STAT5B: variants seen among roughly 807,000 people sequenced by gnomAD.
The protein encoded by STAT5B is signal transducer and activator of transcription 5B.
STAT5B carries 21 observed loss-of-function variants against 107.8 expected under a neutral mutation model. That is an observed-to-expected ratio of 0.19 (90% CI 0.14 to 0.28). STAT5B has a LOEUF of 0.28. Among genes scored for constraint, STAT5B ranks in the 10% least tolerant of loss-of-function variants. STAT5B has a pLI of 1.00. For missense variants in STAT5B, 565 were observed against 1,008.2 expected, an observed-to-expected ratio of 0.56 and a Z score of 5.95; for synonymous variants, 325 against 401.7, an observed-to-expected ratio of 0.81 and a Z score of 2.28.
chr17:42,218,651 G>T, intron 8 of STAT5B, 72 bp downstream of exon 8: 2 of 1,611,284 alleles, frequency 1.2e-6, no homozygotes, highest in Non-Finnish European at 1.7e-6. Context: ...GGTCTGGAAG[G>T]CACCTGCGGC....
intron 1 of STAT5B, among the ~76,000 whole-genome samples, chr17:42,267,455 A>T (rs971982580): frequency 1.3e-5 from 2 of 152,208 alleles, no homozygotes; most frequent in African/African-American, 2.4e-5. Flanking sequence ...GTGTAGGCCT[A>T]GACTAATGTG....
At chr17:42,241,372 A>G (rs1236101482) in intron 1 of STAT5B, among the ~76,000 whole-genome samples, 1 of 151,524 alleles carries the variant, frequency 6.6e-6, no homozygotes, top group Non-Finnish European at 1.5e-5. Flanking sequence ...AAATTCCCTA[A>G]TTATGTTTAC....
chr17:42,219,309 T>C lies in STAT5B; in HGVS notation c.833+3A>G, dbSNP rs2144250098. On this transcript the variant is annotated splice_donor_region_variant and intron_variant, in intron 7 of 18. Transcript: ENST00000293328. ...CTGCCCGCTGGCCGCCCCACACCAT[T>C]ACCAGGACTGTAGCACGTCCAGGCT... The C allele has an allele frequency of 6.4e-7, 1 of 1,552,804 alleles. No individual in the cohort carries two copies. The highest frequency in any genetic ancestry group is 1.4e-5 in the African/African-American group (1 of 72,890).
chr17:42,226,177 C>A (rs1366637654), intron 3 of STAT5B, among the ~76,000 whole-genome samples: 1 of 152,094 alleles, frequency 6.6e-6, no homozygotes, highest in African/African-American at 2.4e-5. Flanking sequence ...TCAGATGATT[C>A]ACCCGCCTCA....
At chr17:42,247,043 C>A (rs2080457926) in intron 1 of STAT5B, among the ~76,000 whole-genome samples, 1 of 152,204 alleles carries the variant, frequency 6.6e-6, no homozygotes, top group African/African-American at 2.4e-5. Flanking sequence ...AAAACCAACG[C>A]AGGGTTTGTA....
chr17:42,288,325 CG>C, the STAT5B span: 1 of 152,174 alleles, frequency 6.6e-6, no homozygotes, highest in Non-Finnish European at 1.5e-5. The surrounding 1 kb of genome is among the most constrained non-coding windows in gnomAD (Gnocchi z 4.8). Context: ...CGCCGCCCGC[CG>C]GGAACGGCCG....
At chr17:42,276,750 G>C (rs925288307), upstream of STAT5B, 1 of 152,200 alleles carries the variant, frequency 6.6e-6, no homozygotes, top group Non-Finnish European at 1.5e-5. The surrounding 1 kb of genome is among the most constrained non-coding windows in gnomAD (Gnocchi z 4.8). Flanking sequence ...GCGCACTGTC[G>C]TGGTCGTTTT....
intron 1 of STAT5B, among the ~76,000 whole-genome samples, chr17:42,256,906 A>G (rs1262925063): frequency 7.0e-6 from 1 of 142,188 alleles, no homozygotes; most frequent in Admixed American, 7.0e-5. Flanking sequence ...TACTTGTTCT[A>G]TTTTATTATC....
chr17:42,203,171 C>G (rs1598292720), intron 16 of STAT5B, among the ~76,000 whole-genome samples: 1 of 152,166 alleles, frequency 6.6e-6, no homozygotes, highest in South Asian at 2.1e-4. Context: ...TAACTCCTGA[C>G]CTCAAGTTAT....
chr17:42,230,130 T>C (rs2080305685), intron 2 of STAT5B, among the ~76,000 whole-genome samples: 1 of 152,168 alleles, frequency 6.6e-6, no homozygotes, highest in African/African-American at 2.4e-5. Flanking sequence ...GACATTCTCA[T>C]ATTTAGCTAA....
At chr17:42,241,479 G>C (rs1362417172) in intron 1 of STAT5B, among the ~76,000 whole-genome samples, 5 of 147,522 alleles carry the variant, frequency 3.4e-5, no homozygotes, top group Non-Finnish European at 7.4e-5. Context: ...GTCTTGCTCT[G>C]TCACCCAGGC....
At chr17:42,263,690 CTAATTTTT>C (rs1207596400) in intron 1 of STAT5B, among the ~76,000 whole-genome samples, 1 of 152,142 alleles carries the variant, frequency 6.6e-6, no homozygotes, top group East Asian at 1.9e-4. Flanking sequence ...CCAGGCCCAG[CTAATTTTT>C]TAATTTTTTG....
intron 17 of STAT5B, 96 bp downstream of exon 17, chr17:42,202,661 G>C (rs1328693015): frequency 6.3e-7 from 1 of 1,599,098 alleles, no homozygotes; most frequent in Admixed American, 1.7e-5. Flanking sequence ...AGTTTCCCCG[G>C]GGGAGCGGAA....
At chr17:42,208,336 C>G (rs1166704706) in intron 15 of STAT5B, among the ~76,000 whole-genome samples, 2 of 151,766 alleles carry the variant, frequency 1.3e-5, no homozygotes, top group African/African-American at 4.8e-5. Context: ...CCTGTCTCTA[C>G]TAAAAATACA....
intron 1 of STAT5B, among the ~76,000 whole-genome samples, chr17:42,258,959 C>G (rs530897680): frequency 6.6e-6 from 1 of 152,228 alleles, no homozygotes; most frequent in Non-Finnish European, 1.5e-5. Flanking sequence ...GTAACTAGAT[C>G]CCCAATTTTA....
At chr17:42,214,269 G>C in intron 12 of STAT5B, 1 of 985,242 alleles carries the variant, frequency 1.0e-6, no homozygotes, top group Middle Eastern at 5.2e-4. Flanking sequence ...GATGCCAAAG[G>C]TACACAGAGA....
chr17:42,223,280 C>G, intron 5 of STAT5B, 102 bp downstream of exon 5: 1 of 1,558,842 alleles, frequency 6.4e-7, no homozygotes, highest in Non-Finnish European at 8.8e-7. Context: ...AAGGTCGCTG[C>G]CTCCGAATGG....
chr17:42,205,123 G>T (rs2080075710), intron 16 of STAT5B, among the ~76,000 whole-genome samples: 1 of 152,126 alleles, frequency 6.6e-6, no homozygotes, highest in African/African-American at 2.4e-5. Flanking sequence ...CGCCTCCCGG[G>T]TTCAAGTGAT....
the STAT5B span, among the ~76,000 whole-genome samples, chr17:42,283,632 CTT>C: frequency 6.6e-6 from 1 of 152,248 alleles, no homozygotes; most frequent in Non-Finnish European, 1.5e-5. Context: ...TGTAAAGTGA[CTT>C]CCCTGAAGAG....
Sources: gnomAD v4.1 joint callset for allele counts (sites outside exome capture counted in the v4.1 genomes callset) on GRCh38, gnomAD v4.1.1 for gene constraint, Gnocchi (gnomAD v3.1) non-coding constraint, MANE v1.5 for transcripts, NCBI Gene and HGNC (gene_info 2026-07-23, HGNC 2026-07-21) for gene names.